The following ANKRD26 variants were observed in gnomAD, a reference collection of about 807,000 sequenced individuals.
ANKRD26 encodes the protein ankyrin repeat domain 26.
In ANKRD26, 141 loss-of-function variants were observed where a neutral mutation model predicts 208.7. That is an observed-to-expected ratio of 0.68 (90% CI 0.59 to 0.78). ANKRD26 has a LOEUF of 0.78. Ranked by LOEUF, ANKRD26 falls within the 30% of genes least tolerant of loss-of-function variation. The probability of loss-of-function intolerance (pLI) is 0.00; values close to 1 mark genes in which losing one functional copy is unlikely to be tolerated. For missense variants in ANKRD26, 1,889 were observed against 1,938.7 expected (o/e 0.97, Z 0.48); for synonymous variants, 636 against 660.4 (o/e 0.96, Z 0.57).
chr10:27,018,879 T>C (rs1448072939), intron 29 of ANKRD26, among the ~76,000 whole-genome samples: 2 of 152,102 alleles, frequency 1.3e-5, no homozygotes, highest in Non-Finnish European at 2.9e-5. Context: ...CTTGAAACTA[T>C]AAAACTACTA....
chr10:27,091,320 T>C (rs2135716805), intron 4 of ANKRD26, among the ~76,000 whole-genome samples: 1 of 152,332 alleles, frequency 6.6e-6, no homozygotes, highest in South Asian at 2.1e-4. Flanking sequence ...AGCAAGGAAT[T>C]AAATCCAGTC....
intron 20 of ANKRD26, among the ~76,000 whole-genome samples, chr10:27,040,945 C>T (rs1440664929): frequency 6.6e-6 from 1 of 151,368 alleles, no homozygotes. Context: ...GCAGGAGAAT[C>T]GCTTGAACCC....
intron 2 of ANKRD26, 41 bp downstream of exon 2, chr10:27,093,644 G>C: frequency 6.3e-7 from 1 of 1,599,926 alleles, no homozygotes; most frequent in East Asian, 2.2e-5. Context: ...ATGTATTTAA[G>C]TCAAATCCAT....
chr10:27,047,416 C>T (rs1402573074), intron 17 of ANKRD26, among the ~76,000 whole-genome samples: 1 of 151,822 alleles, frequency 6.6e-6, no homozygotes, highest in Admixed American at 6.6e-5. Flanking sequence ...GTCAGGAGTT[C>T]AAGACCAGCC....
intron 17 of ANKRD26, among the ~76,000 whole-genome samples, chr10:27,048,494 A>G (rs980705515): frequency 6.6e-5 from 10 of 152,278 alleles, no homozygotes; most frequent in African/African-American, 2.2e-4. Context: ...GAAATATTTG[A>G]AATTTTGATA....
At chr10:27,090,337 G>A (rs1344921805) in intron 4 of ANKRD26, among the ~76,000 whole-genome samples, 1 of 152,144 alleles carries the variant, frequency 6.6e-6, no homozygotes, top group Non-Finnish European at 1.5e-5. Flanking sequence ...AGAGGTTGCA[G>A]TGAGCCGACT....
chr10:27,059,948 C>T (rs552129562), intron 15 of ANKRD26, among the ~76,000 whole-genome samples: 21 of 151,556 alleles, frequency 1.4e-4, no homozygotes, highest in Admixed American at 1.1e-3. Context: ...GCCTGTAATC[C>T]CAGAATTTTG....
chr10:26,983,933 G>C lies in ANKRD26; in HGVS notation c.490-1120C>G, dbSNP rs147853830. On this transcript the variant is annotated intron_variant and NMD_transcript_variant, in intron 3 of 5. Coordinates refer to the ANKRD26 transcript ENST00000674670. ...AGAAGGGAGATACCCATCATGACAG[G>C]CTGGAGCCACTGGAAATAGGCATGG... Among the ~76,000 whole-genome samples the C allele has an allele frequency of 5.9e-5, 9 of 152,256 alleles. No individual in the cohort carries two copies. In the East Asian group the frequency reaches 1.7e-3, roughly 29 times the overall value.
At chr10:27,069,943 C>A (rs187531923) in intron 9 of ANKRD26, among the ~76,000 whole-genome samples, 15 of 151,746 alleles carry the variant, frequency 9.9e-5, no homozygotes, top group Non-Finnish European at 1.8e-4. Flanking sequence ...TATAGCGAGA[C>A]CCCATCTCTA....
chr10:26,969,615 T>C (rs1244544154), downstream of ANKRD26, among the ~76,000 whole-genome samples: 1 of 152,132 alleles, frequency 6.6e-6, no homozygotes, highest in Non-Finnish European at 1.5e-5. Flanking sequence ...AGCTTCCAAG[T>C]CACTAATTCC....
chr10:27,078,199 A>C (rs1404281443), intron 7 of ANKRD26, among the ~76,000 whole-genome samples: 1 of 152,166 alleles, frequency 6.6e-6, no homozygotes, highest in Non-Finnish European at 1.5e-5. Flanking sequence ...TTCTGTCAAA[A>C]AGCTAAAAAT....
intron 32 of ANKRD26, among the ~76,000 whole-genome samples, chr10:27,012,103 T>C (rs772516340): frequency 5.9e-5 from 9 of 152,204 alleles, no homozygotes; most frequent in African/African-American, 9.7e-5. Context: ...TAAATTTCCA[T>C]ATGTGGTTAA....
At chr10:27,071,106 T>C (rs964158827) in intron 9 of ANKRD26, among the ~76,000 whole-genome samples, 1 of 151,978 alleles carries the variant, frequency 6.6e-6, no homozygotes, top group East Asian at 1.9e-4. Flanking sequence ...CAGATATTAA[T>C]TATTAGCACA....
chr10:27,018,141 A>ATTTTTTTTTTTTTTT lies in ANKRD26; in HGVS notation c.4216-364_4216-350dup, dbSNP rs11346457. Among the ~76,000 whole-genome samples the ATTTTTTTTTTTTTTT allele has an allele frequency of 8.7e-4, 114 of 131,152 alleles. 1 individual carries two copies. The highest frequency in any genetic ancestry group is 3.2e-3 in the African/African-American group (109 of 34,460). 86.0% of individuals were successfully genotyped at this position (131,152 alleles called of 152,430 possible). ...ACTTCCCCCATAAACATGCCCTATAATTTTTTTTTTTTTTTTTTAGTCTTG... is the reference window on the plus strand; with the variant it reads ...ACTTCCCCCATAAACATGCCCTATAATTTTTTTTTTTTTTTTTTTTTTTTTTTTTTTTTAGTCTTG... On this transcript the variant is annotated intron_variant, in intron 29 of 33. Coordinates refer to ENST00000376087, the MANE Select transcript of ANKRD26 (RefSeq NM_014915.3).
chr10:26,983,646 C>A (rs1368283765), intron 3 of ANKRD26, among the ~76,000 whole-genome samples: 5 of 152,092 alleles, frequency 3.3e-5, no homozygotes, highest in Admixed American at 6.6e-5. Context: ...CAACCCATCC[C>A]AAATTTGCAT....
At chr10:27,061,313 G>C in intron 12 of ANKRD26, 71 bp from the exon 13 acceptor site, 1 of 951,914 alleles carries the variant, frequency 1.1e-6, no homozygotes, top group Non-Finnish European at 1.6e-6. Context: ...AATTGCCACA[G>C]AATTAGATAT....
Position 27,040,058 on chromosome 10 carries a change from T to C in ANKRD26, c.2282A>G (p.Asn761Ser), listed in dbSNP as rs1445086734. ...VKIKKMEDKVNVLQRELSETK... is the reference protein window; with the variant it reads ...VKIKKMEDKVSVLQRELSETK... Reference sequence around the variant, plus strand: ...TTCAGATAGCTCCCTTTGTAGTACATTAACCTTGTCTTCCATTTTTTTAAT... The same window carrying C: ...TTCAGATAGCTCCCTTTGTAGTACACTAACCTTGTCTTCCATTTTTTTAAT... The change falls in exon 21 of 34, where the codon AAT becomes AGT. Residue 761 changes from asparagine (N) to serine (S), a missense_variant. This residue lies in a region of ANKRD26 where 1,272 missense variants were observed against 1,273.8 expected (regional missense o/e 1.00). Coordinates refer to ENST00000376087, the MANE Select transcript of ANKRD26 (RefSeq NM_014915.3). The C allele has an allele frequency of 3.1e-6, 5 of 1,613,624 alleles. No homozygotes were observed. Among genetic ancestry groups the C allele is most frequent in the Non-Finnish European group, 4.2e-6 (5 of 1,179,822 alleles).
intron 9 of ANKRD26, 98 bp from the exon 10 acceptor site, chr10:27,067,384 C>A (rs1195173765): frequency 1.4e-6 from 2 of 1,380,168 alleles, no homozygotes; most frequent in African/African-American, 1.5e-5. Context: ...CTTGCACTAC[C>A]ATAAAGAAAT....
intron 27 of ANKRD26, among the ~76,000 whole-genome samples, chr10:27,027,142 G>T (rs1376077258): frequency 6.6e-6 from 1 of 152,204 alleles, no homozygotes; most frequent in Non-Finnish European, 1.5e-5. Context: ...TTCTGAATCT[G>T]CAATGCTAGG....
Sources: gnomAD v4.1 joint callset for allele counts (sites outside exome capture counted in the v4.1 genomes callset) on GRCh38, gnomAD v4.1.1 for gene constraint, gnomAD v4.1.1 regional missense constraint, MANE v1.5 for transcripts, NCBI Gene and HGNC (gene_info 2026-07-23, HGNC 2026-07-21) for gene names.